Variants in CAMTA1 observed in about 807,000 individuals in gnomAD.
CAMTA1 encodes calmodulin-binding transcription activator 1.
CAMTA1 carries 27 observed loss-of-function variants against 170.9 expected under a neutral mutation model. The ratio of observed to expected loss-of-function variants is 0.16; its 90% CI spans 0.12 to 0.22. The LOEUF (loss-of-function observed/expected upper bound fraction) is 0.22, where lower values mean the gene tolerates loss of function less well. CAMTA1 is among the 10% of genes least tolerant of loss of function. The probability of loss-of-function intolerance (pLI) is 1.00; values close to 1 mark genes in which losing one functional copy is unlikely to be tolerated. For missense variants in CAMTA1, 1,619 were observed against 2,217.2 expected (o/e 0.73, Z 5.42); for synonymous variants, 833 against 891.5 (o/e 0.93, Z 1.17).
At chr1:7,610,338 G>C (rs1433181940) in intron 6 of CAMTA1, among the ~76,000 whole-genome samples, 1 of 152,170 alleles carries the variant, frequency 6.6e-6, no homozygotes, top group African/African-American at 2.4e-5. Context: ...CCATCACCAG[G>C]ACCTGCCTGG....
At chr1:7,613,303 C>A (rs1055716534) in intron 6 of CAMTA1, among the ~76,000 whole-genome samples, 7 of 152,308 alleles carry the variant, frequency 4.6e-5, no homozygotes, top group African/African-American at 1.7e-4. Flanking sequence ...CGTTTTCAAG[C>A]CCAGCTGTGT....
chr1:7,707,537 G>A (rs952686382), intron 11 of CAMTA1, among the ~76,000 whole-genome samples: 2 of 152,098 alleles, frequency 1.3e-5, no homozygotes, highest in East Asian at 1.9e-4. Flanking sequence ...CACCATGCCC[G>A]GCTAATTTGT....
At chr1:7,060,669 G>A (rs891472792) in intron 3 of CAMTA1, among the ~76,000 whole-genome samples, 1 of 152,122 alleles carries the variant, frequency 6.6e-6, no homozygotes, top group Non-Finnish European at 1.5e-5. Context: ...GCGCCCCTGA[G>A]GTGCTCACGG....
chr1:6,841,532 G>A lies in CAMTA1; in HGVS notation c.234+16322G>A, dbSNP rs1164744224. 2.6e-5 allele frequency among the ~76,000 whole-genome samples: 4 copies of A among 152,186 alleles called. No individual in the cohort carries two copies. In the East Asian group the frequency reaches 7.7e-4, roughly 29 times the overall value. On this transcript the variant is annotated intron_variant, in intron 3 of 22. Coordinates refer to ENST00000303635, the MANE Select transcript of CAMTA1 (RefSeq NM_015215.4). ...AATGGGAGTGAGTTGAAGAGCCAGC[G>A]AGGTGAGGACGTGGAGGCTACACAT...
intron 5 of CAMTA1, among the ~76,000 whole-genome samples, chr1:7,452,461 A>G (rs950534862): frequency 1.3e-5 from 2 of 152,260 alleles, no homozygotes; most frequent in Non-Finnish European, 1.5e-5. Flanking sequence ...CATCACCACT[A>G]TCTTGTTCCA....
chr1:7,668,984 G>A (rs544469621), intron 9 of CAMTA1, among the ~76,000 whole-genome samples: 1 of 152,206 alleles, frequency 6.6e-6, no homozygotes, highest in African/African-American at 2.4e-5. Flanking sequence ...ACTCTTCTCA[G>A]CCAGGCACCC....
At chr1:7,582,952 C>CT in intron 6 of CAMTA1, among the ~76,000 whole-genome samples, 1 of 152,134 alleles carries the variant, frequency 6.6e-6, no homozygotes, top group South Asian at 2.1e-4. Flanking sequence ...TATCACCTGT[C>CT]TGTCTGCCCC....
intron 3 of CAMTA1, among the ~76,000 whole-genome samples, chr1:7,080,328 A>T (rs1326648159): frequency 1.3e-5 from 2 of 152,198 alleles, no homozygotes; most frequent in Non-Finnish European, 2.9e-5. Context: ...AAGGTAGGAC[A>T]TATATTCCTC....
rs879688108 is a variant in CAMTA1, at chr1:7,476,370, A to G, written c.510+8469A>G. Reference sequence around the variant, plus strand: ...AAGCTGGTCAAGACGGTGGATCCAGAGAAGGAGACACAGAATGGGCGGGGC... The same window carrying G: ...AAGCTGGTCAAGACGGTGGATCCAGGGAAGGAGACACAGAATGGGCGGGGC... On this transcript the variant is annotated intron_variant, in intron 6 of 22. Coordinates refer to ENST00000303635, the MANE Select transcript of CAMTA1 (RefSeq NM_015215.4). Among the ~76,000 whole-genome samples the G allele has an allele frequency of 2.0e-5, 3 of 152,258 alleles. 1 individual carries two copies. Among genetic ancestry groups the G allele is most frequent in the Admixed American group, 2.0e-4 (3 of 15,310 alleles).
In CAMTA1 at chr1:6,814,860, CTTCT is replaced by C. The variant is rs199675297; in HGVS notation, c.46-5319_46-5316del. Among the ~76,000 whole-genome samples, 11 of 152,284 alleles carry C rather than the reference CTTCT, an allele frequency of 7.2e-5. 1 individual carries two copies. In the East Asian group the frequency reaches 2.1e-3, roughly 29 times the overall value. The stretch of plus-strand genomic sequence containing the variant: ...TTCTCTGTTCCAAAGCCTGTAATCA[CTTCT>C]TACTATATAGCATCTTGTTTCATTA... On this transcript the variant is annotated intron_variant, in intron 1 of 22. Coordinates refer to ENST00000303635, the MANE Select transcript of CAMTA1 (RefSeq NM_015215.4).
At chr1:7,483,905 C>T (rs2093578470) in intron 6 of CAMTA1, among the ~76,000 whole-genome samples, 1 of 152,212 alleles carries the variant, frequency 6.6e-6, no homozygotes, top group African/African-American at 2.4e-5. Flanking sequence ...CACACACCTC[C>T]TGGGCCTGTT....
intron 5 of CAMTA1, among the ~76,000 whole-genome samples, chr1:7,453,168 G>A (rs764125875): frequency 6.6e-6 from 1 of 152,232 alleles, no homozygotes; most frequent in Non-Finnish European, 1.5e-5. Flanking sequence ...TTTTGGCTTC[G>A]TCCCTGAAGC....
intron 9 of CAMTA1, among the ~76,000 whole-genome samples, chr1:7,666,418 C>T (rs2096002353): frequency 6.6e-6 from 1 of 152,186 alleles, no homozygotes; most frequent in Non-Finnish European, 1.5e-5. Flanking sequence ...GCCTCAGCTC[C>T]CGGGGATCTG....
chr1:7,174,720 G>A (rs1650402824), intron 4 of CAMTA1, among the ~76,000 whole-genome samples: 1 of 152,230 alleles, frequency 6.6e-6, no homozygotes, highest in East Asian at 1.9e-4. Flanking sequence ...CGAGCAGGAG[G>A]CAGGTGGCCC....
intron 5 of CAMTA1, among the ~76,000 whole-genome samples, chr1:7,294,028 C>T (rs1673558776): frequency 6.6e-6 from 1 of 152,214 alleles, no homozygotes. Context: ...CCAGAATAAT[C>T]CAGGCTTTCC....
rs144845464 is a variant in CAMTA1, at chr1:6,932,570, C to T, written c.234+107360C>T. Among the ~76,000 whole-genome samples, 360 of 152,326 alleles carry T rather than the reference C, an allele frequency of 2.4e-3. 6 individuals are homozygous for T. The highest frequency in any genetic ancestry group is 0.017 in the South Asian group (80 of 4,826). ...TGGCCGGATCATATGGAAACTGACACGTTGCTTTGCAAAGTGACCACGCTG... is the reference window on the plus strand; with the variant it reads ...TGGCCGGATCATATGGAAACTGACATGTTGCTTTGCAAAGTGACCACGCTG... On this transcript the variant is annotated intron_variant, in intron 3 of 22. Transcript: ENST00000303635.
At chr1:7,230,166 C>A (rs1662470622) in intron 4 of CAMTA1, among the ~76,000 whole-genome samples, 1 of 152,170 alleles carries the variant, frequency 6.6e-6, no homozygotes, top group African/African-American at 2.4e-5. Context: ...TGGCCCGGCC[C>A]TGAAGCCTAG....
At chr1:7,180,511 CTTTTTTTT>C (rs397862259) in intron 4 of CAMTA1, among the ~76,000 whole-genome samples, 1 of 71,164 alleles carries the variant, frequency 1.4e-5, no homozygotes, top group Non-Finnish European at 2.4e-5. Context: ...TGTCACTAGA[CTTTTTTTT>C]TTTTTTTTTT....
chr1:7,130,441 C>T (rs1056782180), intron 4 of CAMTA1, among the ~76,000 whole-genome samples: 3 of 152,178 alleles, frequency 2.0e-5, no homozygotes, highest in Admixed American at 6.5e-5. Context: ...CATCTTTGAG[C>T]ATATACCTTT....
Sources: allele counts gnomAD v4.1 joint callset (sites outside exome capture counted in the v4.1 genomes callset), GRCh38; gene constraint gnomAD v4.1.1; transcripts MANE v1.5; gene names NCBI Gene and HGNC (gene_info 2026-07-23, HGNC 2026-07-21).